The following RAB3IL1 variants were observed in gnomAD, a reference collection of about 807,000 sequenced individuals.
RAB3IL1 encodes guanine nucleotide exchange factor for Rab-3A.
Under a neutral mutation model 49.2 loss-of-function variants are expected in RAB3IL1, and 37 were observed. The ratio of observed to expected loss-of-function variants is 0.75; its 90% CI spans 0.58 to 0.99. The LOEUF (loss-of-function observed/expected upper bound fraction) is 0.99, where lower values mean the gene tolerates loss of function less well. RAB3IL1 is among the 50% of genes least tolerant of loss of function. The probability of loss-of-function intolerance (pLI) is 0.00; values close to 1 mark genes in which losing one functional copy is unlikely to be tolerated. For missense variants in RAB3IL1, 484 were observed against 513.0 expected (o/e 0.94, Z 0.55); for synonymous variants, 193 against 213.9 (o/e 0.90, Z 0.85).
the RAB3IL1 span, among the ~76,000 whole-genome samples, chr11:61,925,796 T>C: frequency 6.6e-6 from 1 of 151,830 alleles, no homozygotes. Flanking sequence ...AAAAAAAAAG[T>C]CTGGAAAGGC....
intron 1 of RAB3IL1, among the ~76,000 whole-genome samples, chr11:61,915,775 C>T (rs914652304): frequency 3.3e-5 from 5 of 152,184 alleles, no homozygotes; most frequent in African/African-American, 1.2e-4. Context: ...CAGTGGCTCA[C>T]ACCTGTAATC....
chr11:61,908,107 T>G lies in RAB3IL1; in HGVS notation c.211A>C (p.Ile71Leu), dbSNP rs781465404. The G allele has an allele frequency of 6.8e-6, 11 of 1,610,612 alleles. No homozygotes were observed. The highest frequency in any genetic ancestry group is 2.2e-5 in the East Asian group (1 of 44,798). Reference protein sequence around the residue: ...VLRLRSSSMEIREKGSEFLKE... With the variant: ...VLRLRSSSMELREKGSEFLKE... Reference sequence around the variant, plus strand: ...AGGAACTCGGAGCCCTTCTCTCGGATCTCCATGGAAGAGCTGCGCAGGCGC... The same window carrying G: ...AGGAACTCGGAGCCCTTCTCTCGGAGCTCCATGGAAGAGCTGCGCAGGCGC... Residue 71 changes from isoleucine (I) to leucine (L), a missense_variant, in exon 2 of 10, where the codon ATC becomes CTC. By Grantham distance (5) the Ile-to-Leu change is conservative. Coordinates refer to ENST00000394836, the MANE Select transcript of RAB3IL1 (RefSeq NM_013401.4).
the RAB3IL1 span, among the ~76,000 whole-genome samples, chr11:61,927,628 A>G: frequency 6.6e-6 from 1 of 152,200 alleles, no homozygotes; most frequent in Middle Eastern, 3.4e-3. Flanking sequence ...CCCAAATCTC[A>G]TGTTGAATTG....
intron 1 of RAB3IL1, among the ~76,000 whole-genome samples, chr11:61,912,758 G>A (rs1188193853): frequency 6.6e-6 from 1 of 152,116 alleles, no homozygotes; most frequent in East Asian, 1.9e-4. Flanking sequence ...GAGGCAGATG[G>A]GGTTTGAGGA....
At chr11:61,942,126 G>A in the RAB3IL1 span, among the ~76,000 whole-genome samples, 1 of 152,018 alleles carries the variant, frequency 6.6e-6, no homozygotes, top group East Asian at 1.9e-4. Context: ...CAGGAGAATC[G>A]CTTGAAACCA....
At chr11:61,940,091 G>A in the RAB3IL1 span, among the ~76,000 whole-genome samples, 3 of 152,132 alleles carry the variant, frequency 2.0e-5, no homozygotes, top group African/African-American at 7.2e-5. Context: ...GCTGCAGTGA[G>A]CTATGATCGT....
chr11:61,944,280 T>C, the RAB3IL1 span, among the ~76,000 whole-genome samples: 2 of 150,798 alleles, frequency 1.3e-5, no homozygotes, highest in South Asian at 4.2e-4. Context: ...CCCTCCTTTG[T>C]TGAGACAGGG....
At chr11:61,920,864 G>A (rs1312276836), upstream of RAB3IL1, among the ~76,000 whole-genome samples, 4 of 152,084 alleles carry the variant, frequency 2.6e-5, no homozygotes, top group African/African-American at 7.2e-5. Context: ...CGGAGGTTGC[G>A]GTGAGCTGAG....
chr11:61,907,980 C>G (rs1210150276), intron 2 of RAB3IL1, 74 bp downstream of exon 2: 1 of 1,532,132 alleles, frequency 6.5e-7, no homozygotes, highest in Non-Finnish European at 8.8e-7. Context: ...CTCTGGGCAC[C>G]TGATGAGAGC....
Position 61,898,197 on chromosome 11 carries a change from C to G in RAB3IL1, c.*81G>C. 1 of 1,354,012 alleles carries G rather than the reference C, an allele frequency of 7.4e-7. No individual in the cohort carries two copies. The highest frequency in any genetic ancestry group is 1.2e-5 in the South Asian group (1 of 82,392). 83.9% of individuals were successfully genotyped at this position (1,354,012 alleles called of 1,614,324 possible). ...CTCTGGCTCAGGGCTGGCTCCAGGC[C>G]CCCGTCTCCCTGTGTGTCGGCTTGT... On this transcript the variant is annotated 3_prime_UTR_variant, in exon 10 of 10. Transcript: ENST00000394836. The surrounding 1 kb of genome is among the most constrained non-coding windows in gnomAD (Gnocchi z 5.1).
At chr11:61,934,446 G>GTGTGTATATATA in the RAB3IL1 span, among the ~76,000 whole-genome samples, 1 of 24,402 alleles carries the variant, frequency 4.1e-5, no homozygotes, top group Non-Finnish European at 1.2e-4. Flanking sequence ...GTGTGTGTGT[G>GTGTGTATATATA]TATGTATATA....
chr11:61,924,746 C>T (rs956920077), upstream of RAB3IL1, among the ~76,000 whole-genome samples: 1 of 152,076 alleles, frequency 6.6e-6, no homozygotes, highest in Non-Finnish European at 1.5e-5. Flanking sequence ...CAACAGTTCC[C>T]GGTAATGAAA....
intron 9 of RAB3IL1, 109 bp downstream of exon 9, chr11:61,899,202 GCCT>G (rs1938769498): frequency 1.6e-6 from 2 of 1,216,444 alleles, no homozygotes; most frequent in East Asian, 5.1e-5. Flanking sequence ...CCGCTCCCCA[GCCT>G]CCTAGCTGAG....
upstream of RAB3IL1, chr11:61,919,981 G>T: frequency 8.8e-7 from 1 of 1,134,632 alleles, no homozygotes; most frequent in Non-Finnish European, 1.1e-6. Flanking sequence ...TTCTCACACT[G>T]GCTGCCCTGA....
rs1301937620 is a variant in RAB3IL1, at chr11:61,898,054, G to A, written c.*224C>T. ...TCTTGAAATCCTCCTGGTGGTGGCAGAACCCAGTGGGGAAGAGAGGGGGGT... is the reference window on the plus strand; with the variant it reads ...TCTTGAAATCCTCCTGGTGGTGGCAAAACCCAGTGGGGAAGAGAGGGGGGT... On this transcript the variant is annotated 3_prime_UTR_variant, in exon 10 of 10. Coordinates refer to ENST00000394836, the MANE Select transcript of RAB3IL1 (RefSeq NM_013401.4). This position sits in a 1 kb window ranked among gnomAD's most constrained non-coding sequence, Gnocchi z 5.1. 5.6e-6 allele frequency: 3 copies of A among 533,984 alleles called. No homozygotes were observed. In the African/African-American group the frequency reaches 5.8e-5, roughly 10 times the overall value. 33.1% of individuals were successfully genotyped at this position (533,984 alleles called of 1,614,324 possible). A position where few individuals can be genotyped will look rare whatever the true frequency, so the allele number is the denominator to read the frequency against.
At chr11:61,905,812 T>A (rs1175738419) in intron 5 of RAB3IL1, among the ~76,000 whole-genome samples, 1 of 152,100 alleles carries the variant, frequency 6.6e-6, no homozygotes, top group Non-Finnish European at 1.5e-5. Flanking sequence ...GATGTCCCTG[T>A]CTCTGGTTCC....
chr11:61,933,761 A>G, the RAB3IL1 span, among the ~76,000 whole-genome samples: 1 of 152,136 alleles, frequency 6.6e-6, no homozygotes, highest in African/African-American at 2.4e-5. Flanking sequence ...TCACGGCAAC[A>G]TGGCGAAACC....
chr11:61,907,957 C>G, intron 2 of RAB3IL1, 97 bp downstream of exon 2: 1 of 1,502,920 alleles, frequency 6.7e-7, no homozygotes, highest in Non-Finnish European at 8.9e-7. Flanking sequence ...ACATCCCTCT[C>G]CCTTGGGCAC....
At chr11:61,904,917 A>T (rs774676937) in intron 5 of RAB3IL1, 35 bp from the exon 6 acceptor site, 2 of 1,516,152 alleles carry the variant, frequency 1.3e-6, no homozygotes, top group East Asian at 2.3e-5. Context: ...GGGGGCGGTC[A>T]GGGTACTGGG....
Sources: allele counts gnomAD v4.1 joint callset (sites outside exome capture counted in the v4.1 genomes callset), GRCh38; gene constraint gnomAD v4.1.1; non-coding constraint Gnocchi (gnomAD v3.1); transcripts MANE v1.5; gene names NCBI Gene and HGNC (gene_info 2026-07-23, HGNC 2026-07-21).